The following UGGT2 variants were observed in gnomAD, a reference collection of about 807,000 sequenced individuals.
The protein encoded by UGGT2 is UDP-glucose glycoprotein glucosyltransferase 2.
UGGT2 carries 180 observed loss-of-function variants against 192.1 expected under a neutral mutation model. The observed-to-expected ratio is 0.94, with a 90% CI of 0.83 to 1.06. The LOEUF (loss-of-function observed/expected upper bound fraction) is 1.06, where lower values mean the gene tolerates loss of function less well. UGGT2 is among the 50% of genes least tolerant of loss of function. UGGT2 has a pLI of 0.00. For synonymous variants in UGGT2, 580 were observed against 591.0 expected (o/e 0.98, Z 0.27); for missense variants, 1,849 against 1,795.7 (o/e 1.03, Z -0.54).
chr13:95,955,056 T>C (rs2050173895), intron 12 of UGGT2, among the ~76,000 whole-genome samples: 1 of 152,234 alleles, frequency 6.6e-6, no homozygotes, highest in South Asian at 2.1e-4. Flanking sequence ...ACTGAATTAC[T>C]TAAGAAATGT....
rs1291454640 is a variant in UGGT2 at position 95,906,409 on chromosome 13, A to C, written c.2296-3349T>G. Among the ~76,000 whole-genome samples the C allele has an allele frequency of 2.0e-5, 3 of 152,192 alleles. No homozygotes were observed. The East Asian group carries it at 5.8e-4, about 29-fold the overall frequency. ...ATGGCAACTGGAAGATAAATCAATA[A>C]AGATTATACAATCTGGAGAACAGAA... On this transcript the variant is annotated intron_variant, in intron 20 of 38. Coordinates refer to ENST00000376747, the MANE Select transcript of UGGT2 (RefSeq NM_020121.4).
At chr13:95,880,427 A>G (rs1276952371) in intron 27 of UGGT2, among the ~76,000 whole-genome samples, 2 of 152,248 alleles carry the variant, frequency 1.3e-5, no homozygotes, top group Non-Finnish European at 2.9e-5. Context: ...AAGGCAGGTG[A>G]AGGCTGAACT....
At chr13:95,992,737 C>T (rs575264866) in intron 7 of UGGT2, among the ~76,000 whole-genome samples, 1 of 152,238 alleles carries the variant, frequency 6.6e-6, no homozygotes, top group Non-Finnish European at 1.5e-5. Context: ...CCTCTCACGC[C>T]AGTCAGAATG....
At position 95,833,732 on chromosome 13, in the gene UGGT2, A is replaced by G. The variant is rs1351713847; in HGVS notation, c.4402-679T>C. On this transcript the variant is annotated intron_variant, in intron 37 of 38. Transcript: ENST00000376747. ...TATTGGACGTGAGCTGTAAGTAAAG[A>G]GAGGCATCAAAGAAAGACAAAGCCA... 3.3e-5 allele frequency among the ~76,000 whole-genome samples: 5 copies of G among 152,188 alleles called. No homozygotes were observed. The East Asian group carries it at 9.6e-4, about 29-fold the overall frequency.
At chr13:95,821,526 G>C (rs761919398) in intron 38 of UGGT2, among the ~76,000 whole-genome samples, 1 of 152,046 alleles carries the variant, frequency 6.6e-6, no homozygotes, top group Non-Finnish European at 1.5e-5. Flanking sequence ...CCATTCTGTG[G>C]GTTGTAGGTT....
intron 5 of UGGT2, among the ~76,000 whole-genome samples, chr13:96,009,216 G>A (rs2052078327): frequency 6.6e-6 from 1 of 152,036 alleles, no homozygotes; most frequent in Admixed American, 6.6e-5. Flanking sequence ...CCTTAAATGT[G>A]AAGCCTAAAA....
chr13:95,912,164 T>A (rs1040491750), intron 20 of UGGT2, among the ~76,000 whole-genome samples: 1 of 152,188 alleles, frequency 6.6e-6, no homozygotes, highest in Admixed American at 6.5e-5. Context: ...GCATTCCCTT[T>A]GAAAACGGGC....
At chr13:96,040,442 T>TA (rs2053132126) in intron 1 of UGGT2, among the ~76,000 whole-genome samples, 2 of 152,154 alleles carry the variant, frequency 1.3e-5, no homozygotes, top group Non-Finnish European at 2.9e-5. Context: ...GGGGCCCATC[T>TA]AGATAATCCA....
At chr13:95,992,744 A>G (rs1285100554) in intron 7 of UGGT2, among the ~76,000 whole-genome samples, 1 of 152,200 alleles carries the variant, frequency 6.6e-6, no homozygotes, top group East Asian at 1.9e-4. Context: ...CGCCAGTCAG[A>G]ATGGCTATTA....
At chr13:95,849,708 G>A (rs1252141381) in intron 36 of UGGT2, among the ~76,000 whole-genome samples, 1 of 151,428 alleles carries the variant, frequency 6.6e-6, no homozygotes, top group Non-Finnish European at 1.5e-5. Flanking sequence ...TTGGTTCAGG[G>A]GTACATGTAC....
intron 1 of UGGT2, among the ~76,000 whole-genome samples, chr13:96,044,113 G>A (rs1209489231): frequency 6.6e-6 from 1 of 152,082 alleles, no homozygotes. Flanking sequence ...ACCACTGATA[G>A]GCCACAAATC....
chr13:96,043,659 A>T (rs952656499), intron 1 of UGGT2, among the ~76,000 whole-genome samples: 2 of 152,186 alleles, frequency 1.3e-5, no homozygotes, highest in African/African-American at 2.4e-5. Context: ...CTTAAGGTAA[A>T]GGGGTAGAAA....
intron 7 of UGGT2, among the ~76,000 whole-genome samples, chr13:95,993,356 C>A (rs972181310): frequency 6.6e-6 from 1 of 152,032 alleles, no homozygotes; most frequent in Non-Finnish European, 1.5e-5. Flanking sequence ...ATCCATGTAA[C>A]AAACCTGCAC....
chr13:95,863,296 A>G (rs1890330943), intron 31 of UGGT2: 1 of 198,786 alleles, frequency 5.0e-6, no homozygotes, highest in South Asian at 1.3e-4. Context: ...TTTTGTCTTC[A>G]TGTAATTGCC....
At chr13:95,812,924 G>C (rs956703824) in intron 38 of UGGT2, among the ~76,000 whole-genome samples, 1 of 152,156 alleles carries the variant, frequency 6.6e-6, no homozygotes, top group Non-Finnish European at 1.5e-5. Context: ...TACCCTAAAA[G>C]TGATTGAACT....
At chr13:95,903,143 T>C in intron 20 of UGGT2, 83 bp from the exon 21 acceptor site, 1 of 1,348,070 alleles carries the variant, frequency 7.4e-7, no homozygotes, top group East Asian at 2.4e-5. Context: ...CCATCCAGTT[T>C]GTTCACTGTA....
intron 7 of UGGT2, among the ~76,000 whole-genome samples, chr13:95,995,068 GA>G (rs940875865): frequency 4.1e-4 from 63 of 151,936 alleles, no homozygotes; most frequent in African/African-American, 1.4e-3. Context: ...TGTATCTAAT[GA>G]AAAAAACTTC....
intron 20 of UGGT2, among the ~76,000 whole-genome samples, chr13:95,911,161 C>A (rs992841598): frequency 3.3e-5 from 5 of 152,280 alleles, no homozygotes; most frequent in South Asian, 2.1e-4. Flanking sequence ...AACACCCTAA[C>A]ATCACAACTG....
chr13:96,026,962 C>T (rs7991250), intron 2 of UGGT2, among the ~76,000 whole-genome samples: 59,125 of 151,990 alleles, frequency 0.39, 11,733 homozygotes, highest in Middle Eastern at 0.44. Flanking sequence ...TGAGCCACCG[C>T]GCCCAGCCCA....
Sources: gnomAD v4.1 joint callset for allele counts (sites outside exome capture counted in the v4.1 genomes callset) on GRCh38, gnomAD v4.1.1 for gene constraint, MANE v1.5 for transcripts, NCBI Gene and HGNC (gene_info 2026-07-23, HGNC 2026-07-21) for gene names.